FGD4: variants seen among roughly 807,000 people sequenced by gnomAD.
The protein encoded by FGD4 is FYVE, RhoGEF and PH domain containing 4, also known as FYVE, RhoGEF and PH domain-containing protein 4.
FGD4 carries 42 observed loss-of-function variants against 102.0 expected under a neutral mutation model. That is an observed-to-expected ratio of 0.41 (90% CI 0.32 to 0.53). The LOEUF is 0.53. Ranked by LOEUF, FGD4 falls within the 20% of genes least tolerant of loss-of-function variation. FGD4 has a pLI of 0.21. For synonymous variants in FGD4, 380 were observed against 375.7 expected (o/e 1.01, Z -0.13); for missense variants, 902 against 1,078.2 (o/e 0.84, Z 2.29).
intron 1 of FGD4, among the ~76,000 whole-genome samples, chr12:32,549,450 C>G (rs992778474): frequency 2.6e-5 from 4 of 152,150 alleles, no homozygotes; most frequent in Non-Finnish European, 4.4e-5. Context: ...ATCCGAATCA[C>G]TTGGCTGATA....
chr12:32,516,874 T>C (rs533277687), intron 1 of FGD4, among the ~76,000 whole-genome samples: 1 of 152,324 alleles, frequency 6.6e-6, no homozygotes, highest in South Asian at 2.1e-4. Context: ...CTTGGCACTT[T>C]GATTTAAGAT....
intron 6 of FGD4, among the ~76,000 whole-genome samples, chr12:32,601,708 A>G (rs532924539): frequency 1.3e-5 from 2 of 152,202 alleles, no homozygotes; most frequent in African/African-American, 4.8e-5. Context: ...AAGGTGCTGC[A>G]TTGTTTTCTA....
At chr12:32,450,028 G>A (rs984485907) in intron 1 of FGD4, among the ~76,000 whole-genome samples, 1 of 152,050 alleles carries the variant, frequency 6.6e-6, no homozygotes, top group African/African-American at 2.4e-5. Flanking sequence ...CGTCTCCCTG[G>A]TTCAAGCGAT....
rs1169858202 is a variant in FGD4, at chr12:32,642,122, C to A, written c.*1589C>A. The A allele has an allele frequency of 1.3e-5, 2 of 151,896 alleles. No homozygotes were observed. The highest frequency in any genetic ancestry group is 1.3e-4 in the Admixed American group (2 of 15,224). 9.4% of individuals were successfully genotyped at this position (151,896 alleles called of 1,614,324 possible). A position where few individuals can be genotyped will look rare whatever the true frequency, so the allele number is the denominator to read the frequency against. On this transcript the variant is annotated 3_prime_UTR_variant, in exon 17 of 17. Transcript: ENST00000534526. ...TTCCACCCCAAAGGAGCAAGTGAAC[C>A]AATTATTGCTGACATAATAGGTTCC...
intron 1 of FGD4, among the ~76,000 whole-genome samples, chr12:32,552,406 C>A (rs1175040795): frequency 6.7e-6 from 1 of 149,754 alleles, no homozygotes; most frequent in Non-Finnish European, 1.5e-5. Context: ...ATTACAGGCG[C>A]CCGCCGCCAT....
chr12:32,600,074 G>C (rs10129043), intron 5 of FGD4, among the ~76,000 whole-genome samples: 56,716 of 151,972 alleles, frequency 0.37, 11,404 homozygotes, highest in African/African-American at 0.52. Flanking sequence ...GGTGAGCCAT[G>C]AGAAGCCATT....
intron 1 of FGD4, among the ~76,000 whole-genome samples, chr12:32,510,909 G>A (rs1225340546): frequency 1.3e-5 from 2 of 152,312 alleles, no homozygotes; most frequent in East Asian, 1.9e-4. Context: ...AGTGTTAGGG[G>A]AAGATACTGT....
chr12:32,565,444 C>T (rs991574670), intron 2 of FGD4, among the ~76,000 whole-genome samples: 4 of 152,098 alleles, frequency 2.6e-5, no homozygotes, highest in African/African-American at 4.8e-5. Context: ...CTTTTTTTGA[C>T]CATGATTTAA....
In FGD4 at chr12:32,491,685, T is replaced by C. The variant is rs559506371; in HGVS notation, c.167-72452T>C. ...CCTTGGTACATATACGTCATATACATCATTATAGCCCATCATGAACATTGT... is the reference window on the plus strand; with the variant it reads ...CCTTGGTACATATACGTCATATACACCATTATAGCCCATCATGAACATTGT... On this transcript the variant is annotated intron_variant, in intron 1 of 16. Coordinates refer to ENST00000534526, the MANE Select transcript of FGD4 (RefSeq NM_001370298.3). Among the ~76,000 whole-genome samples, 3 of 152,286 alleles carry C rather than the reference T, an allele frequency of 2.0e-5. No homozygotes were observed. In the East Asian group the frequency reaches 5.8e-4, roughly 29 times the overall value.
chr12:32,445,580 A>G (rs1228787548), intron 1 of FGD4, among the ~76,000 whole-genome samples: 3 of 152,208 alleles, frequency 2.0e-5, no homozygotes, highest in Non-Finnish European at 2.9e-5. Context: ...AAACATATTT[A>G]TTGCATTTCA....
chr12:32,537,058 G>A (rs1021715297), intron 1 of FGD4, among the ~76,000 whole-genome samples: 1 of 151,634 alleles, frequency 6.6e-6, no homozygotes, highest in Non-Finnish European at 1.5e-5. Context: ...ACAGGCACCC[G>A]CCACCATGCC....
intron 1 of FGD4, among the ~76,000 whole-genome samples, chr12:32,550,953 A>AT (rs763311162): frequency 5.3e-5 from 8 of 152,222 alleles, no homozygotes; most frequent in Non-Finnish European, 1.0e-4. Context: ...GCATTTTATC[A>AT]TTACTAATCC....
At chr12:32,427,008 A>G (rs1332233608) in intron 1 of FGD4, among the ~76,000 whole-genome samples, 1 of 150,630 alleles carries the variant, frequency 6.6e-6, no homozygotes, top group Non-Finnish European at 1.5e-5. Context: ...TTTAAAAAAA[A>G]CCAGCTCCTG....
chr12:32,609,778 A>G (rs1358570711), intron 8 of FGD4, among the ~76,000 whole-genome samples: 1 of 152,212 alleles, frequency 6.6e-6, no homozygotes, highest in African/African-American at 2.4e-5. Flanking sequence ...ATGTAGTTGA[A>G]AAGTCTCAGG....
chr12:32,457,443 T>C (rs999716519), intron 1 of FGD4, among the ~76,000 whole-genome samples: 3 of 152,224 alleles, frequency 2.0e-5, no homozygotes, highest in Non-Finnish European at 4.4e-5. Context: ...TGTGTTTATT[T>C]TGGAACTAGC....
At chr12:32,607,703 C>T (rs915165519) in intron 7 of FGD4, among the ~76,000 whole-genome samples, 1 of 152,098 alleles carries the variant, frequency 6.6e-6, no homozygotes, top group Non-Finnish European at 1.5e-5. Context: ...TTAGTAGAGG[C>T]GGGGTTTTGC....
intron 14 of FGD4, among the ~76,000 whole-genome samples, chr12:32,630,402 A>G (rs1950428726): frequency 6.6e-6 from 1 of 152,172 alleles, no homozygotes; most frequent in Non-Finnish European, 1.5e-5. Context: ...TCAGCTGGGC[A>G]TGGTAGCTCA....
chr12:32,421,274 C>G (rs577282354), intron 1 of FGD4, among the ~76,000 whole-genome samples: 2 of 152,338 alleles, frequency 1.3e-5, no homozygotes, highest in African/African-American at 4.8e-5. Flanking sequence ...CCTTGTGTGT[C>G]TACACCATTC....
intron 1 of FGD4, among the ~76,000 whole-genome samples, chr12:32,456,262 G>A (rs904753503): frequency 6.6e-6 from 1 of 152,092 alleles, no homozygotes. Context: ...GTATACTTTT[G>A]CTATGTGATT....
Sources: allele counts gnomAD v4.1 joint callset (sites outside exome capture counted in the v4.1 genomes callset), GRCh38; gene constraint gnomAD v4.1.1; transcripts MANE v1.5; gene names NCBI Gene and HGNC (gene_info 2026-07-23, HGNC 2026-07-21).